LUZP2: variants seen among roughly 807,000 people sequenced by gnomAD.
The protein encoded by LUZP2 is leucine zipper protein 2.
LUZP2 carries 52 observed loss-of-function variants against 51.6 expected under a neutral mutation model. That is an observed-to-expected ratio of 1.01 (90% CI 0.81 to 1.27). The LOEUF (loss-of-function observed/expected upper bound fraction) is 1.27, where lower values mean the gene tolerates loss of function less well. Ranked by LOEUF, LUZP2 falls within the 50% of genes most tolerant of loss-of-function variation. LUZP2 has a pLI of 0.00. For missense variants in LUZP2, 436 were observed against 395.4 expected, an observed-to-expected ratio of 1.10 and a Z score of -0.87; for synonymous variants, 154 against 137.3, an observed-to-expected ratio of 1.12 and a Z score of -0.85.
intron 9 of LUZP2, among the ~76,000 whole-genome samples, chr11:25,026,626 G>T (rs1279119074): frequency 6.6e-6 from 1 of 151,856 alleles, no homozygotes; most frequent in Non-Finnish European, 1.5e-5. Flanking sequence ...TTATTTACTT[G>T]CTTTGTTAAA....
At chr11:25,015,561 G>C (rs1288623540) in intron 9 of LUZP2, among the ~76,000 whole-genome samples, 1 of 152,074 alleles carries the variant, frequency 6.6e-6, no homozygotes, top group Admixed American at 6.6e-5. Context: ...TTGAGGGGTA[G>C]TAGTGAGATA....
intron 1 of LUZP2, among the ~76,000 whole-genome samples, chr11:24,585,033 A>G (rs968788575): frequency 6.6e-6 from 1 of 152,166 alleles, no homozygotes; most frequent in Non-Finnish European, 1.5e-5. Context: ...CTCACAGCCC[A>G]GGAAGGGATA....
chr11:24,550,995 G>A (rs1190811418), intron 1 of LUZP2, among the ~76,000 whole-genome samples: 1 of 151,868 alleles, frequency 6.6e-6, no homozygotes, highest in Non-Finnish European at 1.5e-5. Flanking sequence ...TTTAATTACA[G>A]AATAACAGGT....
Position 25,079,835 on chromosome 11 carries a change from T to C in LUZP2, c.*1177T>C, listed in dbSNP as rs990326727. ...CAACCGTAGAAAGCATATTAAACCATTGGTTTTGCAGGATGGATCTGTCAA... is the reference window on the plus strand; with the variant it reads ...CAACCGTAGAAAGCATATTAAACCACTGGTTTTGCAGGATGGATCTGTCAA... On this transcript the variant is annotated 3_prime_UTR_variant, in exon 12 of 12. Coordinates refer to ENST00000336930, the MANE Select transcript of LUZP2 (RefSeq NM_001009909.4). The C allele has an allele frequency of 3.3e-5, 5 of 152,282 alleles. No homozygotes were observed. The Middle Eastern group carries it at 0.01, about 313-fold the overall frequency. The allele number at this position is 152,282 out of a possible 1,614,324, so 9.4% of individuals were successfully genotyped here.
chr11:24,753,740 C>A (rs1859674273), intron 4 of LUZP2, among the ~76,000 whole-genome samples: 1 of 152,112 alleles, frequency 6.6e-6, no homozygotes, highest in Non-Finnish European at 1.5e-5. Flanking sequence ...GACTATTTTA[C>A]CCTCTCTTGT....
intron 1 of LUZP2, among the ~76,000 whole-genome samples, chr11:24,693,840 A>G (rs1298821767): frequency 6.6e-6 from 1 of 152,048 alleles, no homozygotes; most frequent in East Asian, 1.9e-4. Flanking sequence ...GAGAAGATAT[A>G]ACAATGACCA....
At chr11:24,760,459 A>G (rs1166735635) in intron 4 of LUZP2, among the ~76,000 whole-genome samples, 3 of 152,170 alleles carry the variant, frequency 2.0e-5, no homozygotes, top group African/African-American at 7.2e-5. Context: ...CTAATGGACA[A>G]TGAGGACTAG....
intron 5 of LUZP2, among the ~76,000 whole-genome samples, chr11:24,763,518 T>G (rs912548845): frequency 6.6e-6 from 1 of 152,114 alleles, no homozygotes; most frequent in African/African-American, 2.4e-5. Flanking sequence ...TAGTCCAAAC[T>G]TCTCTAGTTC....
intron 4 of LUZP2, among the ~76,000 whole-genome samples, chr11:24,759,237 A>C (rs1340850457): frequency 2.0e-5 from 3 of 152,146 alleles, no homozygotes; most frequent in Non-Finnish European, 4.4e-5. Flanking sequence ...TTTTAGCTTC[A>C]AGCTTTGAAT....
intron 7 of LUZP2, among the ~76,000 whole-genome samples, chr11:24,944,336 G>A (rs1854842565): frequency 6.6e-6 from 1 of 152,158 alleles, no homozygotes; most frequent in African/African-American, 2.4e-5. Context: ...GAGAGGTTAA[G>A]GCATTCTGAC....
chr11:24,972,410 T>A (rs1565176685), intron 7 of LUZP2, among the ~76,000 whole-genome samples: 1 of 152,102 alleles, frequency 6.6e-6, no homozygotes. Context: ...AGTTAAGTAC[T>A]ATTATTCATC....
intron 4 of LUZP2, among the ~76,000 whole-genome samples, chr11:24,755,073 A>T (rs1486834217): frequency 6.6e-6 from 1 of 151,832 alleles, no homozygotes; most frequent in Non-Finnish European, 1.5e-5. Flanking sequence ...TGAACCTGGG[A>T]GGTGGAGGTT....
At chr11:24,786,113 G>A in intron 5 of LUZP2, 7 of 985,108 alleles carry the variant, frequency 7.1e-6, no homozygotes, top group Non-Finnish European at 8.4e-6. Flanking sequence ...TTTAATTTAG[G>A]CCCTCACAAA....
rs545230892 is a variant in LUZP2, at chr11:24,538,839, G to T, written c.62+41534G>T. Among the ~76,000 whole-genome samples the T allele has an allele frequency of 2.0e-4, 30 of 151,824 alleles. 1 individual carries two copies. In the South Asian group the frequency reaches 6.2e-3, roughly 32 times the overall value. ...AGTGGAAATTGATTAAATACATTGT[G>T]CTCTTCACATTCAAAGGACATAACA... On this transcript the variant is annotated intron_variant, in intron 1 of 11. Coordinates refer to ENST00000336930, the MANE Select transcript of LUZP2 (RefSeq NM_001009909.4).
chr11:25,036,705 A>C (rs1596853), intron 9 of LUZP2, among the ~76,000 whole-genome samples: 72,898 of 151,578 alleles, frequency 0.48, 17,834 homozygotes, highest in Non-Finnish European at 0.51. Flanking sequence ...TTTTTTCCTG[A>C]CCTAATGTCA....
At chr11:24,640,986 GATATAGATA>G (rs1855261359) in intron 1 of LUZP2, among the ~76,000 whole-genome samples, 1 of 62,504 alleles carries the variant, frequency 1.6e-5, no homozygotes, top group Non-Finnish European at 3.4e-5. Context: ...TATAGATATA[GATATAGATA>G]TAGATATAGA....
intron 5 of LUZP2, among the ~76,000 whole-genome samples, chr11:24,861,807 AG>A (rs1851751491): frequency 6.6e-6 from 1 of 152,188 alleles, no homozygotes; most frequent in Non-Finnish European, 1.5e-5. Flanking sequence ...GCTCCTGTAT[AG>A]GCTGTCTGAC....
chr11:24,853,966 A>G (rs1851472127), intron 5 of LUZP2, among the ~76,000 whole-genome samples: 1 of 152,128 alleles, frequency 6.6e-6, no homozygotes, highest in Admixed American at 6.5e-5. Flanking sequence ...AACAGCAAAG[A>G]TTGCCGCCTG....
chr11:24,981,348 T>C (rs1218316520), intron 8 of LUZP2, among the ~76,000 whole-genome samples: 1 of 151,650 alleles, frequency 6.6e-6, no homozygotes, highest in Non-Finnish European at 1.5e-5. Flanking sequence ...ATGGTACTGG[T>C]GGGGGTGTCT....
Sources: allele counts gnomAD v4.1 joint callset (sites outside exome capture counted in the v4.1 genomes callset), GRCh38; gene constraint gnomAD v4.1.1; transcripts MANE v1.5; gene names NCBI Gene and HGNC (gene_info 2026-07-23, HGNC 2026-07-21).